The following CCDC60 variants were observed in gnomAD, a reference collection of about 807,000 sequenced individuals.
CCDC60 encodes the protein coiled-coil domain-containing protein 60.
CCDC60 carries 54 observed loss-of-function variants against 63.5 expected under a neutral mutation model. The ratio of observed to expected loss-of-function variants is 0.85; its 90% CI spans 0.68 to 1.07. CCDC60 has a LOEUF of 1.07. CCDC60 is among the 50% of genes least tolerant of loss of function. The pLI, the probability that CCDC60 is intolerant of heterozygous loss-of-function variation, is 0.00. For synonymous variants in CCDC60, 206 were observed against 238.8 expected (o/e 0.86, Z 1.27); for missense variants, 651 against 684.3 (o/e 0.95, Z 0.54).
chr12:119,347,829 C>G (rs1955613277), intron 1 of CCDC60, among the ~76,000 whole-genome samples: 1 of 152,188 alleles, frequency 6.6e-6, no homozygotes, highest in Non-Finnish European at 1.5e-5. Flanking sequence ...TTGAGAGGAT[C>G]AGGGACAGCC....
intron 5 of CCDC60, among the ~76,000 whole-genome samples, chr12:119,493,791 A>C (rs928389389): frequency 5.9e-5 from 9 of 152,282 alleles, no homozygotes; most frequent in Non-Finnish European, 1.3e-4. Flanking sequence ...ATAAGTATTT[A>C]TTCAAACCCT....
chr12:119,339,652 A>T (rs1955511372), intron 1 of CCDC60, among the ~76,000 whole-genome samples: 1 of 152,130 alleles, frequency 6.6e-6, no homozygotes, highest in Non-Finnish European at 1.5e-5. Flanking sequence ...AAAACAAAAC[A>T]AAAGAACTAG....
intron 1 of CCDC60, among the ~76,000 whole-genome samples, chr12:119,340,613 C>T (rs928264012): frequency 6.6e-6 from 1 of 152,018 alleles, no homozygotes; most frequent in Non-Finnish European, 1.5e-5. Context: ...CCCAGCTGGG[C>T]TGCCTGGAGT....
chr12:119,537,076 A>G (rs1953025143), intron 13 of CCDC60, among the ~76,000 whole-genome samples: 1 of 152,164 alleles, frequency 6.6e-6, no homozygotes, highest in African/African-American at 2.4e-5. Context: ...GTCTTTTCAC[A>G]TAGTCCCATA....
At chr12:119,485,503 G>A (rs1258341117) in intron 4 of CCDC60, among the ~76,000 whole-genome samples, 1 of 152,224 alleles carries the variant, frequency 6.6e-6, no homozygotes, top group Non-Finnish European at 1.5e-5. Flanking sequence ...CCAAGATCAA[G>A]GTGCTGTCAG....
chr12:119,455,788 AAAGAAG>A (rs1279844188), intron 2 of CCDC60, among the ~76,000 whole-genome samples: 1 of 147,540 alleles, frequency 6.8e-6, no homozygotes, highest in Non-Finnish European at 1.5e-5. Flanking sequence ...AAAGAAAGAA[AAAGAAG>A]AAGAAAAACA....
chr12:119,427,425 T>G (rs1268338325), intron 1 of CCDC60, among the ~76,000 whole-genome samples: 1 of 152,254 alleles, frequency 6.6e-6, no homozygotes, highest in Non-Finnish European at 1.5e-5. Context: ...CTGCATTGTA[T>G]TCCATTGTGT....
chr12:119,531,461 T>G (rs1156475203), intron 13 of CCDC60, among the ~76,000 whole-genome samples: 1 of 152,186 alleles, frequency 6.6e-6, no homozygotes, highest in Non-Finnish European at 1.5e-5. Flanking sequence ...CCAGGTGTCT[T>G]GTATGCACAA....
At chr12:119,508,178 A>G (rs1952105911) in intron 7 of CCDC60, among the ~76,000 whole-genome samples, 1 of 152,030 alleles carries the variant, frequency 6.6e-6, no homozygotes, top group South Asian at 2.1e-4. Flanking sequence ...CTATAAAAAT[A>G]AAGTAATAAA....
chr12:119,408,043 C>T (rs1956526271), intron 1 of CCDC60, among the ~76,000 whole-genome samples: 1 of 152,136 alleles, frequency 6.6e-6, no homozygotes, highest in African/African-American at 2.4e-5. Flanking sequence ...TGGGAGCCAG[C>T]TAATGGCTCA....
chr12:119,495,493 C>T (rs1951698497), intron 5 of CCDC60, among the ~76,000 whole-genome samples: 1 of 152,222 alleles, frequency 6.6e-6, no homozygotes, highest in African/African-American at 2.4e-5. Flanking sequence ...CTCTCCAGAT[C>T]TGAACCTCTG....
At chr12:119,525,302 CT>C (rs1347390140) in intron 11 of CCDC60, among the ~76,000 whole-genome samples, 2 of 152,198 alleles carry the variant, frequency 1.3e-5, no homozygotes, top group Non-Finnish European at 2.9e-5. Flanking sequence ...ATACAGACAA[CT>C]CCTGCAAGAT....
In CCDC60 at chr12:119,456,001, G is replaced by GAAAGAGAAAGAAAGAAAGAA. The variant is rs747663726; in HGVS notation, c.171-15992_171-15991insAAGAGAAAGAAAGAAAGAAA. On this transcript the variant is annotated intron_variant, in intron 2 of 13. Coordinates refer to ENST00000327554, the MANE Select transcript of CCDC60 (RefSeq NM_178499.5). This position sits in a 1 kb window ranked among gnomAD's most constrained non-coding sequence, Gnocchi z 4.6. ...AGGGAGAGAGAAAGAGAGAGAGAAAGAGAAAGAAAGAAAGAAAGAAAGAAA... is the reference window on the plus strand; with the variant it reads ...AGGGAGAGAGAAAGAGAGAGAGAAAGAAAGAGAAAGAAAGAAAGAAAGAAAGAAAGAAAGAAAGAAAGAAA... Among the ~76,000 whole-genome samples the GAAAGAGAAAGAAAGAAAGAA allele has an allele frequency of 2.0e-5, 1 of 51,118 alleles. No homozygotes were observed. Among genetic ancestry groups the GAAAGAGAAAGAAAGAAAGAA allele is most frequent in the South Asian group, 1.1e-3 (1 of 916 alleles). The allele number at this position is 51,118 out of a possible 152,430, so 33.5% of individuals were successfully genotyped here.
intron 1 of CCDC60, among the ~76,000 whole-genome samples, chr12:119,339,267 C>T (rs527521441): frequency 6.6e-5 from 10 of 152,284 alleles, no homozygotes; most frequent in East Asian, 3.9e-4. Flanking sequence ...GTGCTTAGAA[C>T]ATCCCCCTTT....
chr12:119,461,807 C>T (rs1221112984), intron 2 of CCDC60, among the ~76,000 whole-genome samples: 2 of 152,152 alleles, frequency 1.3e-5, no homozygotes, highest in Non-Finnish European at 2.9e-5. Flanking sequence ...GCAAATAGCT[C>T]CCTTCACACA....
At chr12:119,467,391 C>T (rs535362020) in intron 2 of CCDC60, among the ~76,000 whole-genome samples, 5 of 152,354 alleles carry the variant, frequency 3.3e-5, no homozygotes, top group Non-Finnish European at 7.3e-5. Flanking sequence ...CCTTACCCAC[C>T]TCCCAATATG....
At chr12:119,404,783 G>A (rs570248384) in intron 1 of CCDC60, among the ~76,000 whole-genome samples, 5 of 152,106 alleles carry the variant, frequency 3.3e-5, no homozygotes, top group African/African-American at 4.8e-5. Context: ...CTAGAGGGTC[G>A]TGCCCAGCAG....
intron 2 of CCDC60, among the ~76,000 whole-genome samples, chr12:119,461,064 C>A (rs1950848477): frequency 6.6e-6 from 1 of 152,088 alleles, no homozygotes; most frequent in Admixed American, 6.5e-5. Flanking sequence ...GTCTTCCGAT[C>A]TCTGCTTGGC....
chr12:119,382,609 G>GGAATGAATGAATGAAT (rs140115377), intron 1 of CCDC60, among the ~76,000 whole-genome samples: 34 of 151,718 alleles, frequency 2.2e-4, no homozygotes, highest in African/African-American at 7.5e-4. Flanking sequence ...CAGAACAGTG[G>GGAATGAATGAATGAAT]GAATGAATGA....
Sources: gnomAD v4.1 joint callset for allele counts (sites outside exome capture counted in the v4.1 genomes callset) on GRCh38, gnomAD v4.1.1 for gene constraint, Gnocchi (gnomAD v3.1) non-coding constraint, MANE v1.5 for transcripts, NCBI Gene and HGNC (gene_info 2026-07-23, HGNC 2026-07-21) for gene names.